The following UBTD1 variants were observed in gnomAD, a reference collection of about 807,000 sequenced individuals.
The protein encoded by UBTD1 is ubiquitin domain-containing protein 1.
A neutral mutation model predicts 21.7 loss-of-function variants in UBTD1; 19 were observed. The ratio of observed to expected loss-of-function variants is 0.87; its 90% CI spans 0.61 to 1.28. UBTD1 has a LOEUF of 1.28. Among genes scored for constraint, UBTD1 ranks in the 50% most tolerant of loss-of-function variants. The pLI is 0.00. For synonymous variants in UBTD1, 116 were observed against 135.1 expected, an observed-to-expected ratio of 0.86 and a Z score of 0.98; for missense variants, 282 against 315.1, an observed-to-expected ratio of 0.89 and a Z score of 0.80.
chr10:97,526,448 C>G (rs1011545243), intron 1 of UBTD1, among the ~76,000 whole-genome samples: 1 of 152,152 alleles, frequency 6.6e-6, no homozygotes, highest in Non-Finnish European at 1.5e-5. Context: ...TCATCTCCAT[C>G]CCACTAAAAC....
At chr10:97,524,816 C>T (rs1423634271) in intron 1 of UBTD1, among the ~76,000 whole-genome samples, 5 of 152,170 alleles carry the variant, frequency 3.3e-5, no homozygotes, top group East Asian at 1.9e-4. Context: ...AGTTGGGTTG[C>T]AGCCATGTCT....
chr10:97,517,166 C>T (rs920645009), intron 1 of UBTD1, among the ~76,000 whole-genome samples: 13 of 152,150 alleles, frequency 8.5e-5, no homozygotes, highest in Middle Eastern at 6.8e-3. Context: ...AAGACGCTTT[C>T]AAGAAGGAGG....
intron 1 of UBTD1, among the ~76,000 whole-genome samples, chr10:97,544,513 C>T (rs1328281624): frequency 6.6e-6 from 1 of 152,148 alleles, no homozygotes; most frequent in Non-Finnish European, 1.5e-5. Flanking sequence ...GGAATGCTGA[C>T]CCCCATGCTG....
chr10:97,567,102 G>C (rs953645954), intron 1 of UBTD1, among the ~76,000 whole-genome samples: 1 of 151,280 alleles, frequency 6.6e-6, no homozygotes, highest in African/African-American at 2.4e-5. Flanking sequence ...ACATGGTTTC[G>C]CTGTGTTGCC....
intron 1 of UBTD1, among the ~76,000 whole-genome samples, chr10:97,537,586 A>ACCCT (rs1286778200): frequency 3.3e-5 from 5 of 152,176 alleles, no homozygotes; most frequent in Non-Finnish European, 5.9e-5. Flanking sequence ...AGGGCAGGTC[A>ACCCT]CTGTATGTGG....
At chr10:97,555,432 G>A (rs952964236) in intron 1 of UBTD1, among the ~76,000 whole-genome samples, 2 of 152,128 alleles carry the variant, frequency 1.3e-5, no homozygotes, top group African/African-American at 4.8e-5. Flanking sequence ...GTGAGGTGGG[G>A]ATTGGAGTTC....
At chr10:97,526,093 A>T (rs1371125975) in intron 1 of UBTD1, among the ~76,000 whole-genome samples, 5 of 152,100 alleles carry the variant, frequency 3.3e-5, no homozygotes, top group African/African-American at 1.2e-4. Context: ...CTGCAGACTG[A>T]TGTGCCATTT....
At chr10:97,511,124 C>G (rs767696245) in intron 1 of UBTD1, among the ~76,000 whole-genome samples, 21 of 152,174 alleles carry the variant, frequency 1.4e-4, no homozygotes, top group African/African-American at 3.9e-4. Context: ...ATCAGAGCCT[C>G]TTTCGCACTT....
intron 1 of UBTD1, among the ~76,000 whole-genome samples, chr10:97,545,841 CAG>C (rs2040608295): frequency 1.3e-5 from 2 of 152,134 alleles, no homozygotes. Flanking sequence ...TTTTTTGAGA[CAG>C]AGTCTCACTG....
intron 1 of UBTD1, among the ~76,000 whole-genome samples, chr10:97,555,582 A>G (rs981729125): frequency 4.6e-5 from 7 of 152,126 alleles, no homozygotes; most frequent in Non-Finnish European, 7.4e-5. Context: ...CCAAATGCAC[A>G]ATTTCTATCC....
intron 1 of UBTD1, among the ~76,000 whole-genome samples, chr10:97,542,527 T>A (rs1229105498): frequency 6.6e-6 from 1 of 152,146 alleles, no homozygotes; most frequent in Non-Finnish European, 1.5e-5. Flanking sequence ...GAGGCCTTCA[T>A]GTTCCCACTA....
intron 1 of UBTD1, among the ~76,000 whole-genome samples, chr10:97,565,476 T>G (rs1364880363): frequency 1.3e-5 from 2 of 152,140 alleles, no homozygotes; most frequent in Admixed American, 1.3e-4. Context: ...TATTGTATAC[T>G]TCTGGAAATT....
intron 1 of UBTD1, among the ~76,000 whole-genome samples, chr10:97,512,548 C>T (rs916217659): frequency 6.6e-6 from 1 of 152,184 alleles, no homozygotes; most frequent in African/African-American, 2.4e-5. Flanking sequence ...ATGCTGTATG[C>T]ACTGTTATTT....
chr10:97,540,642 A>G (rs530041876), intron 1 of UBTD1, among the ~76,000 whole-genome samples: 1 of 152,380 alleles, frequency 6.6e-6, no homozygotes, highest in Non-Finnish European at 1.5e-5. Context: ...CAGAGGTTGA[A>G]TAACATGCCT....
rs1015185121 is a variant in UBTD1 at position 97,533,654 on chromosome 10, G to T, written c.71-34260G>T. On this transcript the variant is annotated intron_variant, in intron 1 of 2. Transcript: ENST00000370664. The stretch of plus-strand genomic sequence containing the variant: ...GATCTTAAGCTCTGGGCTGGGTGTG[G>T]TAGCTCACCCTGTAATCCCAGCACT... 6.6e-5 allele frequency among the ~76,000 whole-genome samples: 10 copies of T among 152,092 alleles called. No homozygotes were observed. In the South Asian group the frequency reaches 2.1e-3, roughly 32 times the overall value.
chr10:97,510,758 A>C (rs2040420349), intron 1 of UBTD1, among the ~76,000 whole-genome samples: 2 of 152,130 alleles, frequency 1.3e-5, no homozygotes, highest in African/African-American at 4.8e-5. Context: ...AGGAAGGCAA[A>C]TCCGAAGCAA....
intron 1 of UBTD1, among the ~76,000 whole-genome samples, chr10:97,547,901 G>GAA (rs1554867090): frequency 1.4e-4 from 6 of 43,422 alleles, no homozygotes; most frequent in Admixed American, 3.4e-4. Context: ...GCAACTTTAT[G>GAA]AAAAAAAAAA....
intron 1 of UBTD1, among the ~76,000 whole-genome samples, chr10:97,504,075 C>T (rs1470731166): frequency 6.6e-6 from 1 of 152,082 alleles, no homozygotes; most frequent in African/African-American, 2.4e-5. Context: ...TTCTCGTCGT[C>T]CCTGACTTCT....
At chr10:97,549,415 A>G (rs1275102736) in intron 1 of UBTD1, among the ~76,000 whole-genome samples, 3 of 152,116 alleles carry the variant, frequency 2.0e-5, no homozygotes, top group Non-Finnish European at 4.4e-5. Flanking sequence ...TTCTTTTCCT[A>G]AACTGCCTGC....
Sources: gnomAD v4.1 joint callset for allele counts (sites outside exome capture counted in the v4.1 genomes callset) on GRCh38, gnomAD v4.1.1 for gene constraint, MANE v1.5 for transcripts, NCBI Gene and HGNC (gene_info 2026-07-23, HGNC 2026-07-21) for gene names.